Variants in STK33 observed in about 807,000 individuals in gnomAD.
The protein encoded by STK33 is serine/threonine kinase 33, also known as serine/threonine-protein kinase 33.
In STK33, 52 loss-of-function variants were observed where a neutral mutation model predicts 58.0. The ratio of observed to expected loss-of-function variants is 0.90; its 90% confidence interval spans 0.72 to 1.13. The LOEUF (loss-of-function observed/expected upper bound fraction) is 1.13, where lower values mean the gene tolerates loss of function less well. Ranked by LOEUF, STK33 falls within the 50% of genes most tolerant of loss-of-function variation. The pLI, the probability that STK33 is intolerant of heterozygous loss-of-function variation, is 0.00. For missense variants in STK33, 630 were observed against 604.2 expected (o/e 1.04, Z -0.45); for synonymous variants, 215 against 200.1 (o/e 1.07, Z -0.63).
chr11:8,382,514 T>G, the STK33 span, among the ~76,000 whole-genome samples: 1 of 152,166 alleles, frequency 6.6e-6, no homozygotes, highest in East Asian at 1.9e-4. Flanking sequence ...TTCCTGATAG[T>G]AGCATGGGGA....
At chr11:8,454,409 G>C (rs1215537916) in intron 10 of STK33, among the ~76,000 whole-genome samples, 2 of 152,134 alleles carry the variant, frequency 1.3e-5, no homozygotes, top group Admixed American at 6.5e-5. Context: ...CGCAAGGTGT[G>C]CTTTTCTCTA....
At chr11:8,494,725 T>C (rs1392934671) in intron 1 of STK33, among the ~76,000 whole-genome samples, 2 of 152,200 alleles carry the variant, frequency 1.3e-5, no homozygotes, top group Admixed American at 1.3e-4. Flanking sequence ...CAAAACAGCC[T>C]GGTACTGGTA....
chr11:8,369,295 CTGTGTGTGTGTGTG>C, the STK33 span, among the ~76,000 whole-genome samples: 62 of 137,662 alleles, frequency 4.5e-4, no homozygotes, highest in Non-Finnish European at 7.9e-4. Context: ...GGTTTTTACT[CTGTGTGTGTGTGTG>C]TGTGTGTGTG....
Position 8,435,506 on chromosome 11 carries a change from G to T in STK33, c.1134C>A (p.Asn378Lys). The change falls in exon 14 of 16, where the codon AAC (asparagine) becomes AAA (lysine). Residue 378 changes from asparagine to lysine, a missense_variant. Asn to Lys is a moderately conservative substitution (Grantham distance 94). Transcript: ENST00000687296. ...TATTGTAACTTACTGTTAACCACTGGTTATCTAGTAGTTCCTTAGCTGTGA... is the reference window on the plus strand; with the variant it reads ...TATTGTAACTTACTGTTAACCACTGTTTATCTAGTAGTTCCTTAGCTGTGA... Reference protein sequence around the residue: ...HRITAKELLDNQWLTGNKLSS... With the variant: ...HRITAKELLDKQWLTGNKLSS... 6.8e-7 allele frequency: 1 copy of T among 1,464,568 alleles called. No individual in the cohort carries two copies. The highest frequency in any genetic ancestry group is 9.1e-7 in the Non-Finnish European group (1 of 1,093,188). The allele number at this position is 1,464,568 out of a possible 1,614,324, so 90.7% of individuals were successfully genotyped here.
At chr11:8,451,441 G>A (rs940746870) in intron 11 of STK33, among the ~76,000 whole-genome samples, 7 of 152,028 alleles carry the variant, frequency 4.6e-5, no homozygotes, top group East Asian at 1.9e-4. Flanking sequence ...CAACATGAAC[G>A]TACCTCAAAA....
chr11:8,495,648 T>C (rs1276675673), intron 1 of STK33, among the ~76,000 whole-genome samples: 1 of 152,132 alleles, frequency 6.6e-6, no homozygotes, highest in Non-Finnish European at 1.5e-5. Context: ...GACACGCACA[T>C]GTATATTTAT....
chr11:8,414,616 T>C (rs569646784), intron 14 of STK33, among the ~76,000 whole-genome samples: 1 of 152,256 alleles, frequency 6.6e-6, no homozygotes, highest in Admixed American at 6.5e-5. Context: ...TGAGGACTTG[T>C]TGAGTTTAAT....
In STK33 at chr11:8,392,523, T is replaced by C; in HGVS notation, c.1532A>G (p.Lys511Arg). ...PAKSGALSRT[K>R]KKL The stretch of plus-strand genomic sequence containing the variant: ...CTGGAGGGAACCTTAGAGTTTCTTT[T>C]TGGTTCTGGACAGGGCGCCGGATTT... Residue 511 changes from lysine to arginine, a missense_variant, in exon 16 of 16, where the codon AAA becomes AGA. By Grantham distance (26) the Lys-to-Arg change is conservative. Transcript: ENST00000687296. 3 of 1,614,156 alleles carry C rather than the reference T, an allele frequency of 1.9e-6. No homozygotes were observed. Among genetic ancestry groups the C allele is most frequent in the South Asian group, 1.1e-5 (1 of 91,074 alleles).
intron 1 of STK33, among the ~76,000 whole-genome samples, chr11:8,487,209 C>T (rs984225844): frequency 2.0e-5 from 3 of 151,786 alleles, no homozygotes; most frequent in Admixed American, 1.3e-4. Flanking sequence ...GGACTGCTTG[C>T]GCCCAAGAGT....
At chr11:8,545,225 A>G (rs1322404197) in intron 1 of STK33, among the ~76,000 whole-genome samples, 1 of 152,208 alleles carries the variant, frequency 6.6e-6, no homozygotes, top group East Asian at 1.9e-4. Context: ...TCCATTACCT[A>G]GACATGCTTT....
At chr11:8,533,900 A>G (rs1954749829) in intron 1 of STK33, among the ~76,000 whole-genome samples, 1 of 152,206 alleles carries the variant, frequency 6.6e-6, no homozygotes, top group Non-Finnish European at 1.5e-5. Context: ...GCTGGGTGAA[A>G]TGTATCAACA....
intron 8 of STK33, among the ~76,000 whole-genome samples, chr11:8,458,510 T>C (rs1032620721): frequency 2.7e-5 from 4 of 149,378 alleles, no homozygotes; most frequent in African/African-American, 9.9e-5. Flanking sequence ...ATGTGAGGCA[T>C]AGAATCGAGA....
At chr11:8,553,506 C>T (rs967422111) in intron 1 of STK33, among the ~76,000 whole-genome samples, 6 of 151,780 alleles carry the variant, frequency 4.0e-5, no homozygotes, top group Non-Finnish European at 8.8e-5. Context: ...CCACTGTATA[C>T]GTGATCCATC....
chr11:8,553,899 G>T (rs776597636), intron 1 of STK33, among the ~76,000 whole-genome samples: 1 of 152,134 alleles, frequency 6.6e-6, no homozygotes, highest in African/African-American at 2.4e-5. Flanking sequence ...ACTAGGCAAT[G>T]ATTTTTTGGA....
intron 1 of STK33, among the ~76,000 whole-genome samples, chr11:8,483,426 G>A (rs1329647131): frequency 2.0e-5 from 3 of 152,156 alleles, no homozygotes; most frequent in Admixed American, 6.5e-5. Context: ...CTGAAGAATA[G>A]GCACAAAAGA....
chr11:8,560,545 G>C (rs1957050623), intron 1 of STK33, among the ~76,000 whole-genome samples: 1 of 152,010 alleles, frequency 6.6e-6, no homozygotes, highest in South Asian at 2.1e-4. Context: ...ATTTTGTCAT[G>C]TAAAAGCTTT....
the STK33 span, among the ~76,000 whole-genome samples, chr11:8,343,135 C>T: frequency 1.3e-5 from 2 of 152,268 alleles, no homozygotes; most frequent in Non-Finnish European, 2.9e-5. Flanking sequence ...GCCCAGAGGG[C>T]AAATCCAGCC....
intron 1 of STK33, among the ~76,000 whole-genome samples, chr11:8,505,141 A>G (rs1951780574): frequency 6.6e-6 from 1 of 152,226 alleles, no homozygotes; most frequent in Admixed American, 6.5e-5. Flanking sequence ...CATAAACTGT[A>G]GTCTGTTTTT....
intron 15 of STK33, among the ~76,000 whole-genome samples, chr11:8,397,664 A>C (rs1303118144): frequency 6.6e-6 from 1 of 152,146 alleles, no homozygotes; most frequent in African/African-American, 2.4e-5. Flanking sequence ...AACTACTCCG[A>C]GCTAAAGGAG....
Sources: gnomAD v4.1 joint callset for allele counts (sites outside exome capture counted in the v4.1 genomes callset) on GRCh38, gnomAD v4.1.1 for gene constraint, MANE v1.5 for transcripts, NCBI Gene and HGNC (gene_info 2026-07-23, HGNC 2026-07-21) for gene names.